Variants in CLASP2 observed in about 807,000 individuals in gnomAD.
CLASP2 encodes the protein CLIP-associating protein 2.
A neutral mutation model predicts 194.4 loss-of-function variants in CLASP2; 47 were observed. That is an observed-to-expected ratio of 0.24 (90% confidence interval 0.19 to 0.31). The LOEUF (loss-of-function observed/expected upper bound fraction) is 0.31. Ranked by LOEUF, CLASP2 falls within the 10% of genes least tolerant of loss-of-function variation. The pLI is 1.00. For synonymous variants in CLASP2, 619 were observed against 633.5 expected, an observed-to-expected ratio of 0.98 and a Z score of 0.34; for missense variants, 1,445 against 1,823.6, an observed-to-expected ratio of 0.79 and a Z score of 3.78.
At chr3:33,632,742 G>C (rs149161102) in intron 8 of CLASP2, among the ~76,000 whole-genome samples, 401 of 152,288 alleles carry the variant, frequency 2.6e-3, no homozygotes, top group African/African-American at 9.0e-3. Flanking sequence ...GTGTGATGCA[G>C]AAAATCTGTG....
At chr3:33,594,864 C>A (rs969427162) in intron 20 of CLASP2, 87 bp downstream of exon 20, 10 of 662,308 alleles carry the variant, frequency 1.5e-5, no homozygotes, top group Non-Finnish European at 2.0e-5. Flanking sequence ...AAGAAATTAG[C>A]CTATTTTAGT....
intron 6 of CLASP2, among the ~76,000 whole-genome samples, chr3:33,666,364 G>C (rs1458701610): frequency 1.3e-5 from 2 of 152,054 alleles, no homozygotes; most frequent in African/African-American, 2.4e-5. Flanking sequence ...CATTTACCCT[G>C]ATCTCTCCAG....
At chr3:33,616,704 C>T (rs1190062460) in intron 12 of CLASP2, among the ~76,000 whole-genome samples, 1 of 143,756 alleles carries the variant, frequency 7.0e-6, no homozygotes, top group African/African-American at 2.6e-5. Context: ...AAGGATAAAA[C>T]AAAGATTTCA....
chr3:33,649,399 A>C (rs1310817750), intron 7 of CLASP2, among the ~76,000 whole-genome samples: 3 of 152,182 alleles, frequency 2.0e-5, no homozygotes, highest in Admixed American at 2.0e-4. Context: ...TGCCCCTGTT[A>C]TATCTTCAAC....
intron 34 of CLASP2, among the ~76,000 whole-genome samples, chr3:33,526,475 A>T (rs1050268520): frequency 6.6e-6 from 1 of 151,692 alleles, no homozygotes; most frequent in African/African-American, 2.4e-5. Context: ...ACACAGATTC[A>T]TAAAGCAAGT....
At chr3:33,616,635 C>G (rs1340304957) in intron 12 of CLASP2, among the ~76,000 whole-genome samples, 1 of 150,720 alleles carries the variant, frequency 6.6e-6, no homozygotes, top group Non-Finnish European at 1.5e-5. Flanking sequence ...TATACTATAT[C>G]CATAGAAACA....
intron 29 of CLASP2, among the ~76,000 whole-genome samples, chr3:33,552,520 T>C (rs562763719): frequency 9.8e-5 from 15 of 152,314 alleles, no homozygotes; most frequent in African/African-American, 3.6e-4. Context: ...ATATGCCTCA[T>C]ATACTTATTT....
intron 2 of CLASP2, among the ~76,000 whole-genome samples, chr3:33,693,339 G>A (rs187003873): frequency 3.9e-5 from 6 of 152,196 alleles, no homozygotes; most frequent in Admixed American, 2.6e-4. Flanking sequence ...TAACCCGAGT[G>A]CACCAAAACT....
At chr3:33,577,549 T>C (rs1013906874) in intron 23 of CLASP2, among the ~76,000 whole-genome samples, 1 of 152,036 alleles carries the variant, frequency 6.6e-6, no homozygotes, top group African/African-American at 2.4e-5. Flanking sequence ...AAAACGAACA[T>C]TATAGTGTAA....
chr3:33,601,165 T>A (rs1174320810), intron 18 of CLASP2, among the ~76,000 whole-genome samples: 2 of 152,046 alleles, frequency 1.3e-5, no homozygotes, highest in Non-Finnish European at 1.5e-5. Flanking sequence ...TTTCACCGTG[T>A]TAGCCAGGAT....
In CLASP2 at chr3:33,641,763, T is replaced by A. The variant is rs193260478; in HGVS notation, c.862+2994A>T. Among the ~76,000 whole-genome samples the A allele has an allele frequency of 2.6e-3, 381 of 149,020 alleles. 7 individuals are homozygous for A. The highest frequency in any genetic ancestry group is 1.1e-3 in the Admixed American group (16 of 14,884). On this transcript the variant is annotated intron_variant, in intron 8 of 38. Transcript: ENST00000682230. ...AAGAAGCTCACTGTATTTTTTTTTT[T>A]TTATTTTGGTAATCTTACTTGAAAA... is the stretch of plus-strand genomic sequence containing the variant.
At chr3:33,619,043 C>G (rs1268069180) in intron 12 of CLASP2, among the ~76,000 whole-genome samples, 1 of 152,138 alleles carries the variant, frequency 6.6e-6, no homozygotes, top group Non-Finnish European at 1.5e-5. Flanking sequence ...GGCTACGAAC[C>G]TGTAGCTGAA....
chr3:33,677,246 C>T (rs2088860803), intron 6 of CLASP2, among the ~76,000 whole-genome samples: 1 of 152,108 alleles, frequency 6.6e-6, no homozygotes, highest in Admixed American at 6.5e-5. Flanking sequence ...TATAAAGACA[C>T]ATGCACATTT....
chr3:33,536,481 G>T lies in CLASP2; in HGVS notation c.3559-1020C>A, dbSNP rs559081731. Among the ~76,000 whole-genome samples the T allele has an allele frequency of 5.9e-5, 9 of 152,306 alleles. No individual in the cohort carries two copies. The East Asian group carries it at 1.7e-3, about 29-fold the overall frequency. ...AAACAGCCAATACACAGATCCTGAA[G>T]CAGGAACGTGCATAGTAAGTTCAAG... On this transcript the variant is annotated intron_variant, in intron 33 of 38. Coordinates refer to ENST00000682230, the MANE Select transcript of CLASP2 (RefSeq NM_001365631.1).
At chr3:33,698,808 A>G (rs1321357978) in intron 1 of CLASP2, among the ~76,000 whole-genome samples, 1 of 152,182 alleles carries the variant, frequency 6.6e-6, no homozygotes, top group Non-Finnish European at 1.5e-5. Context: ...CATCTTAAAC[A>G]CTGTCCAGTT....
intron 23 of CLASP2, among the ~76,000 whole-genome samples, chr3:33,579,974 T>C (rs541026040): frequency 2.0e-5 from 3 of 152,332 alleles, no homozygotes; most frequent in Admixed American, 2.0e-4. Context: ...TGCATGCGCA[T>C]GCACATGCAC....
At chr3:33,516,521 G>T (rs1187476075) in intron 35 of CLASP2, among the ~76,000 whole-genome samples, 1 of 152,016 alleles carries the variant, frequency 6.6e-6, no homozygotes, top group African/African-American at 2.4e-5. Context: ...CACAAAATTA[G>T]CCGGGGGTGG....
In CLASP2 at chr3:33,560,788, A is replaced by G. The variant is rs1356728549; in HGVS notation, c.2930+20T>C. 1.2e-6 allele frequency: 2 copies of G among 1,607,198 alleles called. No homozygotes were observed. The highest frequency in any genetic ancestry group is 4.5e-5 in the East Asian group (2 of 44,828). ...CTAGTTATTATCAGGTTAACTTGAA[A>G]TATATGAAAAAAATATTACCTTGTA... is the stretch of plus-strand genomic sequence containing the variant. On this transcript the variant is annotated intron_variant, in intron 28 of 38. Coordinates refer to ENST00000682230, the MANE Select transcript of CLASP2 (RefSeq NM_001365631.1).
chr3:33,547,295 A>G (rs769047892), intron 30 of CLASP2, among the ~76,000 whole-genome samples: 1 of 152,192 alleles, frequency 6.6e-6, no homozygotes, highest in Non-Finnish European at 1.5e-5. Flanking sequence ...GGGGAAACCC[A>G]TTTCACTTGG....
Sources: allele counts gnomAD v4.1 joint callset (sites outside exome capture counted in the v4.1 genomes callset), GRCh38; gene constraint gnomAD v4.1.1; transcripts MANE v1.5; gene names NCBI Gene and HGNC (gene_info 2026-07-23, HGNC 2026-07-21).